Variants in APOL5 observed in about 807,000 individuals in gnomAD.
APOL5 encodes apolipoprotein L5, also known as apolipoprotein L, 5.
Under a neutral mutation model 35.5 loss-of-function variants are expected in APOL5, and 29 were observed. The observed-to-expected ratio is 0.82, with a 90% CI of 0.61 to 1.11. APOL5 has a LOEUF of 1.11. Among genes scored for constraint, APOL5 ranks in the 50% most tolerant of loss-of-function variants. The pLI is 0.00. For synonymous variants in APOL5, 188 were observed against 200.2 expected, an observed-to-expected ratio of 0.94 and a Z score of 0.51; for missense variants, 514 against 530.4, an observed-to-expected ratio of 0.97 and a Z score of 0.30.
At chr22:35,717,846 A>C, upstream of APOL5, 1 of 1,541,468 alleles carries the variant, frequency 6.5e-7, no homozygotes, top group South Asian at 1.3e-5. Flanking sequence ...TCATATTATA[A>C]GCTTAAATTT....
At chr22:35,718,474 C>T (rs1280459051) in intron 1 of APOL5, among the ~76,000 whole-genome samples, 2 of 151,480 alleles carry the variant, frequency 1.3e-5, no homozygotes, top group Non-Finnish European at 2.9e-5. Flanking sequence ...AAAAAATTAG[C>T]CAGGCTGGTA....
At chr22:35,711,882 C>T in the APOL5 span, among the ~76,000 whole-genome samples, 4 of 152,060 alleles carry the variant, frequency 2.6e-5, no homozygotes, top group South Asian at 8.3e-4. Flanking sequence ...GCCATGTTGG[C>T]CAGGCTGGTT....
chr22:35,720,282 A>G (rs1346141085), intron 1 of APOL5, among the ~76,000 whole-genome samples: 4 of 152,240 alleles, frequency 2.6e-5, no homozygotes, highest in Non-Finnish European at 5.9e-5. Flanking sequence ...TATAACGTCA[A>G]CATTTCAAAA....
chr22:35,726,137 G>C (rs569351551), intron 2 of APOL5, 74 bp from the exon 3 acceptor site: 1 of 1,526,972 alleles, frequency 6.5e-7, no homozygotes, highest in South Asian at 1.3e-5. Context: ...AGGTGGTTTC[G>C]ACATTGTACC....
rs143581523 is a variant in APOL5 at position 35,728,890 on chromosome 22, C to T, written c.1294C>T (p.Arg432Ter). The T allele has an allele frequency of 1.2e-4, 196 of 1,600,270 alleles. 1 individual carries two copies. The African/African-American group carries it at 2.1e-3, about 17-fold the overall frequency. ...RKGRQAPGRH[R>*]Q Reference sequence around the variant, plus strand: ...GGGGAGACAGGCCCCGGGAAGACACCGACAATGAGAAGAGGTAAGTGGGAC... The same window carrying T: ...GGGGAGACAGGCCCCGGGAAGACACTGACAATGAGAAGAGGTAAGTGGGAC... The change falls in exon 4 of 5, where the codon CGA becomes TGA. Residue 432 changes from arginine to a stop codon, truncating the protein, a stop_gained. Transcript: ENST00000249044. LOFTEE classifies it low-confidence loss of function (END_TRUNC).
At chr22:35,728,975 TG>T (rs1927275849) in intron 4 of APOL5, 71 bp downstream of exon 4, 1 of 1,445,902 alleles carries the variant, frequency 6.9e-7, no homozygotes. Flanking sequence ...CTTGGGTGGG[TG>T]GGCTTCAGGG....
At chr22:35,728,409 G>A (rs2146007509) in intron 3 of APOL5, among the ~76,000 whole-genome samples, 1 of 152,234 alleles carries the variant, frequency 6.6e-6, no homozygotes, top group African/African-American at 2.4e-5. Context: ...ATTTTTAGTA[G>A]AGACAGGGTT....
chr22:35,726,959 T>A lies in APOL5; in HGVS notation c.891T>A (p.Ala297=). 6.2e-7 allele frequency: 1 copy of A among 1,614,180 alleles called. No individual in the cohort carries two copies. The part of the protein sequence containing the change: ...MTNGAWVMGA[A]GAGFLLMKDM... ...ATGGTGCCTGGGTGATGGGTGCTGC[T>A]GGGGCTGGCTTCTTACTTATGAAAG... The change falls in exon 3 of 5, where the codon GCT becomes GCA. Residue 297 remains alanine (A), a synonymous_variant. Coordinates refer to ENST00000249044, the MANE Select transcript of APOL5 (RefSeq NM_030642.1).
upstream of APOL5, among the ~76,000 whole-genome samples, chr22:35,714,504 G>C (rs1172009643): frequency 1.3e-5 from 2 of 152,100 alleles, no homozygotes; most frequent in African/African-American, 4.8e-5. Flanking sequence ...TAGCATGAGG[G>C]ACAATGGCAA....
intron 3 of APOL5, 48 bp downstream of exon 3, chr22:35,727,242 C>T (rs1332262191): frequency 1.3e-6 from 2 of 1,553,414 alleles, no homozygotes; most frequent in African/African-American, 1.4e-5. Context: ...CTTCTAAAAG[C>T]TTACCATGAG....
chr22:35,720,449 T>C, intron 1 of APOL5, 119 bp from the exon 2 acceptor site: 1 of 732,354 alleles, frequency 1.4e-6, no homozygotes, highest in Non-Finnish European at 2.2e-6. Flanking sequence ...GTTGTATTCT[T>C]TTTTTTTTCT....
At chr22:35,722,202 G>A (rs1926995420) in intron 2 of APOL5, among the ~76,000 whole-genome samples, 1 of 152,172 alleles carries the variant, frequency 6.6e-6, no homozygotes. Flanking sequence ...GGAGTTAACA[G>A]GGGCCCTTCC....
the APOL5 span, among the ~76,000 whole-genome samples, chr22:35,709,727 C>T: frequency 6.6e-6 from 1 of 152,072 alleles, no homozygotes; most frequent in Non-Finnish European, 1.5e-5. Context: ...TATGTTTTTG[C>T]TAAACTTTTT....
At chr22:35,714,469 AC>A (rs1239715098), upstream of APOL5, among the ~76,000 whole-genome samples, 1 of 152,148 alleles carries the variant, frequency 6.6e-6, no homozygotes, top group Non-Finnish European at 1.5e-5. Flanking sequence ...ATGCCTTCTC[AC>A]TATGTGGCCC....
chr22:35,713,725 C>A (rs1050516254), upstream of APOL5, among the ~76,000 whole-genome samples: 3 of 152,166 alleles, frequency 2.0e-5, no homozygotes, highest in Non-Finnish European at 4.4e-5. Flanking sequence ...CAGCACCAAC[C>A]AAAATCCACC....
upstream of APOL5, chr22:35,717,756 AAG>A: frequency 5.5e-6 from 2 of 362,008 alleles, no homozygotes; most frequent in Non-Finnish European, 8.4e-6. Context: ...AAAAAAAAGA[AAG>A]AAAAGAAAAG....
the APOL5 span, among the ~76,000 whole-genome samples, chr22:35,709,128 G>A: frequency 6.6e-6 from 1 of 152,288 alleles, no homozygotes; most frequent in South Asian, 2.1e-4. Context: ...GAAATGACCT[G>A]TGTTCACTTC....
At chr22:35,724,295 A>G (rs1887090983) in intron 2 of APOL5, among the ~76,000 whole-genome samples, 1 of 152,010 alleles carries the variant, frequency 6.6e-6, no homozygotes, top group East Asian at 1.9e-4. Flanking sequence ...TCAAAAAAAA[A>G]AAAAAAAATG....
chr22:35,728,668 CA>C (rs560362940), intron 3 of APOL5, 54 bp from the exon 4 acceptor site: 23 of 1,577,098 alleles, frequency 1.5e-5, no homozygotes, highest in South Asian at 7.1e-5. Flanking sequence ...TCTGAACGTC[CA>C]GGGGCAGATC....
Sources: gnomAD v4.1 joint callset for allele counts (sites outside exome capture counted in the v4.1 genomes callset) on GRCh38, gnomAD v4.1.1 for gene constraint, MANE v1.5 for transcripts, NCBI Gene and HGNC (gene_info 2026-07-23, HGNC 2026-07-21) for gene names.